Variants in RANBP2 observed in about 807,000 individuals in gnomAD.
RANBP2 encodes the protein E3 SUMO-protein ligase RanBP2.
A neutral mutation model predicts 303.6 loss-of-function variants in RANBP2; 57 were observed. The observed-to-expected ratio is 0.19, with a 90% CI of 0.15 to 0.23. RANBP2 has a LOEUF of 0.23. Ranked by LOEUF, RANBP2 falls within the 10% of genes least tolerant of loss-of-function variation. The pLI is 1.00. For synonymous variants in RANBP2, 1,167 were observed against 1,301.5 expected, an observed-to-expected ratio of 0.90 and a Z score of 2.23; for missense variants, 3,138 against 3,780.8, an observed-to-expected ratio of 0.83 and a Z score of 4.46.
chr2:108,873,299 TGA>T, the RANBP2 span: 95 of 38,820 alleles, frequency 2.4e-3, 43 homozygotes, highest in Middle Eastern at 9.1e-3. Flanking sequence ...ATTTTTCAAA[TGA>T]TGATATTTTC....
the RANBP2 span, among the ~76,000 whole-genome samples, chr2:109,349,930 G>A: frequency 3.9e-4 from 60 of 152,310 alleles, no homozygotes; most frequent in African/African-American, 1.3e-3. Flanking sequence ...GAAACATACC[G>A]GGCCCTGACT....
chr2:108,773,058 T>G lies in RANBP2; in HGVS notation c.8292+12T>G, dbSNP rs1677620949. 1 of 1,602,006 alleles carries G rather than the reference T, an allele frequency of 6.2e-7. No homozygotes were observed. Among genetic ancestry groups the G allele is most frequent in the Non-Finnish European group, 8.5e-7 (1 of 1,172,504 alleles). On this transcript the variant is annotated intron_variant, in intron 23 of 28. Coordinates refer to ENST00000283195, the MANE Select transcript of RANBP2 (RefSeq NM_006267.5). ...TTCAGGAAGCTCAAGTAAGAACATC[T>G]CTAATAAATTTTCCTTCTAGTTCCA...
At chr2:109,152,838 A>T in the RANBP2 span, among the ~76,000 whole-genome samples, 6 of 152,124 alleles carry the variant, frequency 3.9e-5, no homozygotes, top group South Asian at 1.0e-3. Flanking sequence ...TCTCACAGTG[A>T]ATATCACCTG....
chr2:109,448,409 G>C, the RANBP2 span, among the ~76,000 whole-genome samples: 1 of 152,202 alleles, frequency 6.6e-6, no homozygotes, highest in African/African-American at 2.4e-5. Context: ...GTTGTGAGTG[G>C]TGGGTGAGCA....
intron 1 of RANBP2, among the ~76,000 whole-genome samples, chr2:108,727,366 C>T (rs112139810): frequency 6.6e-6 from 1 of 152,076 alleles, no homozygotes; most frequent in Non-Finnish European, 1.5e-5. Context: ...GTTGTGACAC[C>T]CCAAACTGCA....
At chr2:109,203,501 T>A in the RANBP2 span, among the ~76,000 whole-genome samples, 2 of 152,162 alleles carry the variant, frequency 1.3e-5, no homozygotes, top group Non-Finnish European at 2.9e-5. Flanking sequence ...CCGCTCCCCA[T>A]TGCCTCCTGA....
the RANBP2 span, among the ~76,000 whole-genome samples, chr2:108,936,523 C>G: frequency 6.6e-6 from 1 of 152,154 alleles, no homozygotes; most frequent in Non-Finnish European, 1.5e-5. Flanking sequence ...CCCGGCCTCC[C>G]ACGCTCTCCT....
the RANBP2 span, among the ~76,000 whole-genome samples, chr2:109,294,517 C>T: frequency 6.8e-6 from 1 of 147,644 alleles, no homozygotes; most frequent in Non-Finnish European, 1.5e-5. Context: ...GCCAAGATCA[C>T]ACCACTACAC....
the RANBP2 span, among the ~76,000 whole-genome samples, chr2:109,113,443 A>G: frequency 3.3e-5 from 5 of 152,136 alleles, no homozygotes; most frequent in Non-Finnish European, 7.3e-5. Flanking sequence ...TTTGTCTGTT[A>G]TTGGTGTATA....
the RANBP2 span, among the ~76,000 whole-genome samples, chr2:109,382,565 C>G: frequency 6.6e-6 from 1 of 152,198 alleles, no homozygotes; most frequent in Non-Finnish European, 1.5e-5. Flanking sequence ...AAAACAGCCC[C>G]TCTGTCACCC....
At chr2:109,668,648 C>G in the RANBP2 span, among the ~76,000 whole-genome samples, 477 of 152,254 alleles carry the variant, frequency 3.1e-3, 2 homozygotes, top group African/African-American at 0.011. Context: ...GAGAAGAAAG[C>G]AACCATGTAC....
At chr2:109,436,565 T>A in the RANBP2 span, among the ~76,000 whole-genome samples, 1 of 152,370 alleles carries the variant, frequency 6.6e-6, no homozygotes, top group Admixed American at 6.5e-5. Context: ...CTGTTCTTTC[T>A]GGATGTATCT....
chr2:109,129,541 A>G, the RANBP2 span: 2 of 1,496,638 alleles, frequency 1.3e-6, no homozygotes, highest in Non-Finnish European at 1.8e-6. Context: ...CGCCTCCCCC[A>G]TGCTGCTCGG....
the RANBP2 span, among the ~76,000 whole-genome samples, chr2:109,761,595 A>G: frequency 1.4e-5 from 2 of 147,510 alleles, no homozygotes; most frequent in African/African-American, 5.0e-5. Flanking sequence ...GGTGTCTTAA[A>G]AATCCCATTG....
At chr2:109,233,116 T>C in the RANBP2 span, among the ~76,000 whole-genome samples, 1 of 152,218 alleles carries the variant, frequency 6.6e-6, no homozygotes, top group Non-Finnish European at 1.5e-5. Flanking sequence ...TTACAATTAA[T>C]GCTCCTTTAG....
At chr2:109,197,832 C>T in the RANBP2 span, among the ~76,000 whole-genome samples, 1 of 152,224 alleles carries the variant, frequency 6.6e-6, no homozygotes, top group African/African-American at 2.4e-5. Context: ...TGGGGAGGAA[C>T]TCCAGGAGAA....
At chr2:109,245,718 AAC>A in the RANBP2 span, among the ~76,000 whole-genome samples, 2 of 152,220 alleles carry the variant, frequency 1.3e-5, no homozygotes, top group African/African-American at 4.8e-5. Flanking sequence ...TAAATATCTT[AAC>A]AAATTCAGGA....
At chr2:109,249,532 TTTCCTTCC>T in the RANBP2 span, among the ~76,000 whole-genome samples, 407 of 96,406 alleles carry the variant, frequency 4.2e-3, 5 homozygotes, top group East Asian at 0.012. Flanking sequence ...TCTTTCTTTC[TTTCCTTCC>T]TTCCTTCCTT....
the RANBP2 span, among the ~76,000 whole-genome samples, chr2:108,996,722 C>T: frequency 1.3e-5 from 2 of 152,002 alleles, no homozygotes; most frequent in Non-Finnish European, 2.9e-5. Flanking sequence ...GTGGCAGTAA[C>T]ACAGGAACCC....
Sources: allele counts gnomAD v4.1 joint callset (sites outside exome capture counted in the v4.1 genomes callset), GRCh38; gene constraint gnomAD v4.1.1; transcripts MANE v1.5; gene names NCBI Gene and HGNC (gene_info 2026-07-23, HGNC 2026-07-21).